ATP11A: variants seen among roughly 807,000 people sequenced by gnomAD.
The protein encoded by ATP11A is phospholipid-transporting ATPase IH.
In ATP11A, 81 loss-of-function variants were observed where a neutral mutation model predicts 154.4. The observed-to-expected ratio is 0.52, with a 90% CI of 0.44 to 0.63. The LOEUF (loss-of-function observed/expected upper bound fraction) is 0.63. Ranked by LOEUF, ATP11A falls within the 30% of genes least tolerant of loss-of-function variation. ATP11A has a pLI of 0.00. For synonymous variants in ATP11A, 623 were observed against 585.9 expected, an observed-to-expected ratio of 1.06 and a Z score of -0.91; for missense variants, 1,316 against 1,474.3, an observed-to-expected ratio of 0.89 and a Z score of 1.76.
At chr13:112,878,347 G>T (rs573062516) in intron 29 of ATP11A, 44 bp downstream of exon 29, 5 of 1,593,404 alleles carry the variant, frequency 3.1e-6, no homozygotes, top group Non-Finnish European at 4.3e-6. Context: ...GGTAGACACG[G>T]GGCAGCAGGG....
intron 8 of ATP11A, among the ~76,000 whole-genome samples, chr13:112,822,635 T>G (rs1219515828): frequency 6.6e-6 from 1 of 151,322 alleles, no homozygotes; most frequent in East Asian, 1.9e-4. Context: ...AACTGTAATC[T>G]CAGCACTTTG....
In ATP11A at chr13:112,859,339, C is replaced by T. The variant is rs1392946592; in HGVS notation, c.2668-54C>T. The T allele has an allele frequency of 2.8e-5, 43 of 1,520,402 alleles. No individual in the cohort carries two copies. The highest frequency in any genetic ancestry group is 1.7e-4 in the Middle Eastern group (1 of 5,932). The allele number at this position is 1,520,402 out of a possible 1,614,324, so 94.2% of individuals were successfully genotyped here. On this transcript the variant is annotated intron_variant, in intron 22 of 29. Transcript: ENST00000375645. The surrounding 1 kb of genome is among the most constrained non-coding windows in gnomAD (Gnocchi z 4.3). ...TGGGGTGGGCCACGTCGGTAGGTGGCGGCTGCCTCCCTCTGTCCCGTCACC... is the reference window on the plus strand; with the variant it reads ...TGGGGTGGGCCACGTCGGTAGGTGGTGGCTGCCTCCCTCTGTCCCGTCACC...
intron 1 of ATP11A, among the ~76,000 whole-genome samples, chr13:112,761,148 C>T (rs1158299263): frequency 6.6e-6 from 1 of 152,162 alleles, no homozygotes; most frequent in Admixed American, 6.5e-5. Context: ...GTTATCAGAT[C>T]CGTGGTCCAG....
intron 1 of ATP11A, among the ~76,000 whole-genome samples, chr13:112,775,992 G>T (rs1399663351): frequency 6.6e-6 from 1 of 152,194 alleles, no homozygotes; most frequent in Non-Finnish European, 1.5e-5. Flanking sequence ...GCCCACAGCT[G>T]CCCTCCCAGC....
chr13:112,796,296 C>G (rs2077996910), intron 2 of ATP11A, among the ~76,000 whole-genome samples: 1 of 152,216 alleles, frequency 6.6e-6, no homozygotes, highest in South Asian at 2.1e-4. Context: ...ATGTCCACAT[C>G]CTGATCCCCA....
At chr13:112,858,403 A>G in intron 22 of ATP11A, 113 bp downstream of exon 22, 1 of 1,121,886 alleles carries the variant, frequency 8.9e-7, no homozygotes, top group African/African-American at 1.6e-5. Flanking sequence ...TCCGAGGAGC[A>G]GCAACTGTCA....
chr13:112,856,003 A>G lies in ATP11A; in HGVS notation c.2336A>G (p.Asn779Ser), dbSNP rs1207092607. ...CCTCGAGAAGACGGGAGTTCCGGCA[A>G]CTACAGGGAGCTCTTCCTGGAAATC... is the stretch of plus-strand genomic sequence containing the variant. The part of the protein sequence containing the change: ...MKPREDGSSG[N>S]YRELFLEICR... Residue 779 changes from asparagine (N) to serine (S), a missense_variant, in exon 20 of 30, where the codon AAC (asparagine) becomes AGC (serine). Transcript: ENST00000375645. 6.2e-7 allele frequency: 1 copy of G among 1,614,192 alleles called. No homozygotes were observed. The highest frequency in any genetic ancestry group is 8.5e-7 in the Non-Finnish European group (1 of 1,180,030).
chr13:112,742,000 G>T (rs426679), intron 1 of ATP11A, among the ~76,000 whole-genome samples: 1,514 of 151,204 alleles, frequency 0.01, 26 homozygotes, highest in African/African-American at 0.032. Context: ...CAGAAGAGTG[G>T]TCCCCCTCCC....
At chr13:112,868,764 C>T (rs2080419502) in intron 25 of ATP11A, among the ~76,000 whole-genome samples, 1 of 152,150 alleles carries the variant, frequency 6.6e-6, no homozygotes, top group African/African-American at 2.4e-5. Flanking sequence ...GAAGAGCTAC[C>T]TGAGACAGGG....
At chr13:112,860,084 G>A (rs1170999096) in intron 23 of ATP11A, among the ~76,000 whole-genome samples, 1 of 150,596 alleles carries the variant, frequency 6.6e-6, no homozygotes, top group Admixed American at 6.6e-5. Context: ...AGAATGGGAT[G>A]AGTCAGTGTT....
intron 1 of ATP11A, among the ~76,000 whole-genome samples, chr13:112,735,090 C>G (rs9604414): frequency 2.3e-3 from 353 of 152,266 alleles, no homozygotes; most frequent in African/African-American, 8.1e-3. Flanking sequence ...ATGGATTTAG[C>G]TGTGCATTTT....
In ATP11A at chr13:112,690,481, G is replaced by A; in HGVS notation, c.39+26G>A. On this transcript the variant is annotated intron_variant, in intron 1 of 29. Coordinates refer to ENST00000375645, the MANE Select transcript of ATP11A (RefSeq NM_015205.3). This position sits in a 1 kb window ranked among gnomAD's most constrained non-coding sequence, Gnocchi z 5.6. ...GTGAGTGCTCCCGGCGCGGGCTGGG[G>A]GACCCGGGGACCAGACAGACGCGGG... is the stretch of plus-strand genomic sequence containing the variant. 7.5e-7 allele frequency: 1 copy of A among 1,325,366 alleles called. No homozygotes were observed. The highest frequency in any genetic ancestry group is 9.6e-7 in the Non-Finnish European group (1 of 1,036,386). The allele number at this position is 1,325,366 out of a possible 1,614,324, so 82.1% of individuals were successfully genotyped here. A position where few individuals can be genotyped will look rare whatever the true frequency, so the allele number is the denominator to read the frequency against.
intron 1 of ATP11A, among the ~76,000 whole-genome samples, chr13:112,721,641 G>T (rs1055067470): frequency 1.3e-5 from 2 of 152,200 alleles, no homozygotes; most frequent in Non-Finnish European, 2.9e-5. Context: ...ACAGCAGAAG[G>T]GCCTGGGGTT....
rs1441058297 is a variant in ATP11A, at chr13:112,858,208, A to C, written c.2585A>C (p.Lys862Thr). The C allele has an allele frequency of 3.1e-6, 5 of 1,614,024 alleles. No homozygotes were observed. Among genetic ancestry groups the C allele is most frequent in the Non-Finnish European group, 3.4e-6 (4 of 1,180,036 alleles). ...AGCGACTATGCAATCCCAAAGTTTA[A>C]GCATTTGAAGAAGATGCTGCTTGTT... ...RNSDYAIPKFKHLKKMLLVHG... is the reference protein window; with the variant it reads ...RNSDYAIPKFTHLKKMLLVHG... Residue 862 changes from lysine (K) to threonine (T), a missense_variant, in exon 22 of 30, where the codon AAG becomes ACG. Around this residue, in one of 5 missense-constraint regions of ATP11A, gnomAD observed 876 missense variants for 1,006.8 expected, o/e 0.87. Transcript: ENST00000375645.
intron 1 of ATP11A, among the ~76,000 whole-genome samples, chr13:112,710,009 G>A (rs980626961): frequency 2.6e-5 from 4 of 152,254 alleles, no homozygotes; most frequent in Non-Finnish European, 5.9e-5. Flanking sequence ...GGTCTCAACA[G>A]CACAGGTCCT....
rs540411019 is a variant in ATP11A at position 112,874,094 on chromosome 13, G to C, written c.3161+418G>C. Among the ~76,000 whole-genome samples the C allele has an allele frequency of 2.7e-4, 41 of 152,242 alleles. 1 individual carries two copies. The highest frequency in any genetic ancestry group is 5.3e-4 in the Non-Finnish European group (36 of 68,044). On this transcript the variant is annotated intron_variant, in intron 27 of 29. Coordinates refer to ENST00000375645, the MANE Select transcript of ATP11A (RefSeq NM_015205.3). The stretch of plus-strand genomic sequence containing the variant: ...ACAACGAGGCACTGGCCAGGCATTC[G>C]ACAGGTCCTGTCTCACTCCATCCTC...
intron 1 of ATP11A, among the ~76,000 whole-genome samples, chr13:112,699,634 C>G (rs367615462): frequency 1.3e-5 from 2 of 152,218 alleles, no homozygotes; most frequent in African/African-American, 4.8e-5. Context: ...AACTTCTGTT[C>G]GTGTTACTTC....
chr13:112,785,056 G>C lies in ATP11A; in HGVS notation c.40-79G>C, dbSNP rs2077590171. The C allele has an allele frequency of 7.3e-7, 1 of 1,364,406 alleles. No homozygotes were observed. The highest frequency in any genetic ancestry group is 9.5e-7 in the Non-Finnish European group (1 of 1,049,552). The allele number at this position is 1,364,406 out of a possible 1,614,324, so 84.5% of individuals were successfully genotyped here. ...TACAGGTCTCCGTTCCGACGAACGT[G>C]CCTCAAGGCAACACTCTGGGCAAGA... is the stretch of plus-strand genomic sequence containing the variant. On this transcript the variant is annotated intron_variant, in intron 1 of 29. Transcript: ENST00000375645. The surrounding 1 kb of genome is among the most constrained non-coding windows in gnomAD (Gnocchi z 4.8).
At chr13:112,829,701 G>A (rs895048772) in intron 12 of ATP11A, among the ~76,000 whole-genome samples, 2 of 152,212 alleles carry the variant, frequency 1.3e-5, no homozygotes, top group African/African-American at 2.4e-5. Flanking sequence ...TCTAGCCAGA[G>A]CAGTGAGGCA....
Sources: gnomAD v4.1 joint callset for allele counts (sites outside exome capture counted in the v4.1 genomes callset) on GRCh38, gnomAD v4.1.1 for gene constraint, gnomAD v4.1.1 regional missense constraint, Gnocchi (gnomAD v3.1) non-coding constraint, MANE v1.5 for transcripts, NCBI Gene and HGNC (gene_info 2026-07-23, HGNC 2026-07-21) for gene names.